Variants in UGT1A10 observed in about 807,000 individuals in gnomAD.
The protein encoded by UGT1A10 is UDP-glucuronosyltransferase 1A10.
UGT1A10 carries 49 observed loss-of-function variants against 45.8 expected under a neutral mutation model. The ratio of observed to expected loss-of-function variants is 1.07; its 90% CI spans 0.85 to 1.36. The LOEUF (loss-of-function observed/expected upper bound fraction) is 1.36. Ranked by LOEUF, UGT1A10 falls within the 40% of genes most tolerant of loss-of-function variation. The pLI is 0.00. For synonymous variants in UGT1A10, 284 were observed against 249.7 expected (o/e 1.14, Z -1.29); for missense variants, 745 against 668.6 (o/e 1.11, Z -1.26).
Position 233,750,047 on chromosome 2 carries a change from G to A in UGT1A10, c.856-16987G>A, listed in dbSNP as rs570611446. Among the ~76,000 whole-genome samples the A allele has an allele frequency of 7.3e-4, 111 of 151,986 alleles. 3 individuals are homozygous for A. Among genetic ancestry groups the A allele is most frequent in the Non-Finnish European group, 1.1e-3 (77 of 68,028 alleles). ...CTGCTATAAAGATACTTGAAAATGT[G>A]GAAGTGACTTTGGAACTGGGTAACA... On this transcript the variant is annotated intron_variant, in intron 1 of 4. Transcript: ENST00000344644.
chr2:233,662,346 T>G lies in UGT1A10; in HGVS notation c.855+24969T>G, dbSNP rs182463177. ...GTAGGCTATGTGGCTTATCTGCAAG[T>G]TTTTCAATTTGTTGCAAATCTCCAT... On this transcript the variant is annotated intron_variant, in intron 1 of 4. Coordinates refer to ENST00000344644, the MANE Select transcript of UGT1A10 (RefSeq NM_019075.4). 3.3e-5 allele frequency among the ~76,000 whole-genome samples: 5 copies of G among 152,338 alleles called. No individual in the cohort carries two copies. In the East Asian group the frequency reaches 7.7e-4, roughly 23 times the overall value.
rs1334645862 is a variant in UGT1A10, at chr2:233,640,457, A to G, written c.855+3080A>G. ...TATCGTTATCACACCTAACACAATA[A>G]TAATACTTTAATATTATCTCATTTC... On this transcript the variant is annotated intron_variant, in intron 1 of 4. Transcript: ENST00000344644. Among the ~76,000 whole-genome samples, 3 of 152,170 alleles carry G rather than the reference A, an allele frequency of 2.0e-5. No individual in the cohort carries two copies. In the East Asian group the frequency reaches 5.8e-4, roughly 29 times the overall value.
At position 233,690,644 on chromosome 2, in the gene UGT1A10, G is replaced by A. The variant is rs1194432468; in HGVS notation, c.855+53267G>A. The A allele has an allele frequency of 2.3e-6, 3 of 1,287,608 alleles. No individual in the cohort carries two copies. In the Admixed American group the frequency reaches 6.9e-5, roughly 30 times the overall value. The allele number at this position is 1,287,608 out of a possible 1,614,324, so 79.8% of individuals were successfully genotyped here. The stretch of plus-strand genomic sequence containing the variant: ...CTCAAGTGATACCTGAGGACACCTT[G>A]ACTCCTACAGCACCAACCAGGGCAG... On this transcript the variant is annotated intron_variant, in intron 1 of 4. Coordinates refer to ENST00000344644, the MANE Select transcript of UGT1A10 (RefSeq NM_019075.4).
chr2:233,719,570 C>T (rs1385911118), intron 1 of UGT1A10: 16 of 1,613,822 alleles, frequency 9.9e-6, no homozygotes, highest in African/African-American at 1.3e-5. Flanking sequence ...ATCTTGTCAG[C>T]TATGCATCCG....
In UGT1A10 at chr2:233,757,562, G is replaced by GTATATATATATATATATATATA. The variant is rs1491042837; in HGVS notation, c.856-9465_856-9464insATATATATATATATATATATAT. Among the ~76,000 whole-genome samples, 15 of 90,888 alleles carry GTATATATATATATATATATATA rather than the reference G, an allele frequency of 1.7e-4. 1 individual carries two copies. The highest frequency in any genetic ancestry group is 7.2e-4 in the African/African-American group (14 of 19,524). The allele number at this position is 90,888 out of a possible 152,430, so 59.6% of individuals were successfully genotyped here. On this transcript the variant is annotated intron_variant, in intron 1 of 4. Transcript: ENST00000344644. The stretch of plus-strand genomic sequence containing the variant: ...TATATATATATATATATATATATAT[G>GTATATATATATATATATATATA]TATATATGATATAGCTATAGTCTAA...
chr2:233,668,608 C>T (rs939901835), intron 1 of UGT1A10, among the ~76,000 whole-genome samples: 2 of 152,192 alleles, frequency 1.3e-5, no homozygotes, highest in African/African-American at 4.8e-5. Context: ...ATTTCTAGTT[C>T]TAGATCCTTG....
chr2:233,746,343 T>C (rs754584416), intron 1 of UGT1A10, among the ~76,000 whole-genome samples: 11 of 151,756 alleles, frequency 7.2e-5, no homozygotes, highest in Non-Finnish European at 1.6e-4. Context: ...TGGACATGTT[T>C]ATGTTGCTCC....
At chr2:233,762,330 T>C (rs150255996) in intron 1 of UGT1A10, among the ~76,000 whole-genome samples, 11 of 152,350 alleles carry the variant, frequency 7.2e-5, no homozygotes, top group African/African-American at 1.9e-4. Flanking sequence ...TAATCCACAA[T>C]AGCTCTTTTT....
chr2:233,687,184 A>G (rs2074826727), intron 1 of UGT1A10, among the ~76,000 whole-genome samples: 1 of 152,216 alleles, frequency 6.6e-6, no homozygotes, highest in Non-Finnish European at 1.5e-5. Context: ...TGAATCAGCA[A>G]TACCCGTAAT....
At chr2:233,689,828 C>CT in intron 1 of UGT1A10, 1 of 451,876 alleles carries the variant, frequency 2.2e-6, no homozygotes, top group Non-Finnish European at 4.4e-6. Context: ...TCTCTGGACT[C>CT]TAACTTTCTT....
chr2:233,682,657 G>A (rs778347346), intron 1 of UGT1A10: 42 of 1,613,702 alleles, frequency 2.6e-5, no homozygotes, highest in African/African-American at 5.3e-5. Context: ...CCCCTGTCAC[G>A]GCATATGATC....
chr2:233,747,437 C>A, intron 1 of UGT1A10: 2 of 1,608,846 alleles, frequency 1.2e-6, no homozygotes, highest in Non-Finnish European at 1.7e-6. Flanking sequence ...AGAAATTTTT[C>A]ACCCTGACAA....
At chr2:233,693,339 A>G (rs778434768) in intron 1 of UGT1A10, 11 of 1,614,190 alleles carry the variant, frequency 6.8e-6, no homozygotes, top group Middle Eastern at 1.6e-4. Flanking sequence ...CAGACAGAGT[A>G]CAGGAATAAC....
intron 1 of UGT1A10, among the ~76,000 whole-genome samples, chr2:233,656,006 G>T (rs966461606): frequency 1.3e-5 from 2 of 152,096 alleles, no homozygotes; most frequent in Non-Finnish European, 2.9e-5. Flanking sequence ...CATCTAGCTG[G>T]CTGGGAAGCA....
chr2:233,725,800 A>G (rs1559371046), intron 1 of UGT1A10, among the ~76,000 whole-genome samples: 1 of 152,288 alleles, frequency 6.6e-6, no homozygotes, highest in East Asian at 1.9e-4. Flanking sequence ...AATAATCCTT[A>G]AAATCCATTT....
intron 1 of UGT1A10, among the ~76,000 whole-genome samples, chr2:233,761,510 A>C (rs1161669580): frequency 6.6e-6 from 1 of 152,248 alleles, no homozygotes. Flanking sequence ...TCAGTCAGGC[A>C]GGCAATGTTC....
intron 1 of UGT1A10, among the ~76,000 whole-genome samples, chr2:233,658,323 C>T (rs1195604998): frequency 6.6e-6 from 1 of 152,130 alleles, no homozygotes; most frequent in Non-Finnish European, 1.5e-5. Flanking sequence ...CCATCCTCCC[C>T]TATGGTTAAA....
intron 1 of UGT1A10, among the ~76,000 whole-genome samples, chr2:233,712,009 T>C (rs1023023016): frequency 1.3e-5 from 2 of 152,240 alleles, no homozygotes; most frequent in East Asian, 1.9e-4. Flanking sequence ...GGAGGAACCA[T>C]TCTTATCAGA....
At chr2:233,747,527 T>G (rs1237082221) in intron 1 of UGT1A10, 2 of 1,605,936 alleles carry the variant, frequency 1.2e-6, no homozygotes, top group African/African-American at 1.3e-5. Context: ...AAACAGAACA[T>G]TTTCTGAAGA....
Sources: allele counts gnomAD v4.1 joint callset (sites outside exome capture counted in the v4.1 genomes callset), GRCh38; gene constraint gnomAD v4.1.1; transcripts MANE v1.5; gene names NCBI Gene and HGNC (gene_info 2026-07-23, HGNC 2026-07-21).